The following PLEKHH1 variants were observed in gnomAD, a reference collection of about 807,000 sequenced individuals.
The protein encoded by PLEKHH1 is pleckstrin homology, MyTH4 and FERM domain containing H1.
PLEKHH1 carries 104 observed loss-of-function variants against 160.0 expected under a neutral mutation model. That is an observed-to-expected ratio of 0.65 (90% CI 0.55 to 0.76). The LOEUF is 0.76. Among genes scored for constraint, PLEKHH1 ranks in the 30% least tolerant of loss-of-function variants. The pLI, the probability that PLEKHH1 is intolerant of heterozygous loss-of-function variation, is 0.00. For synonymous variants in PLEKHH1, 619 were observed against 678.4 expected (o/e 0.91, Z 1.36); for missense variants, 1,427 against 1,724.1 (o/e 0.83, Z 3.05).
intron 18 of PLEKHH1, among the ~76,000 whole-genome samples, chr14:67,577,769 T>C (rs560751226): frequency 5.0e-4 from 76 of 151,954 alleles, no homozygotes; most frequent in African/African-American, 1.7e-3. Flanking sequence ...GTTTTTGTTT[T>C]TGTTTTTTTT....
In PLEKHH1 at chr14:67,562,310, G is replaced by C. The variant is rs777865209; in HGVS notation, c.679G>C (p.Asp227His). The C allele has an allele frequency of 1.2e-6, 2 of 1,613,804 alleles. No individual in the cohort carries two copies. Among genetic ancestry groups the C allele is most frequent in the South Asian group, 1.1e-5 (1 of 91,080 alleles). ...TTCCCCAGGTGCCCTGCAGAGCAAGGACTCTGTTTCTGAAGCAGCAAGCCC... is the reference window on the plus strand; with the variant it reads ...TTCCCCAGGTGCCCTGCAGAGCAAGCACTCTGTTTCTGAAGCAGCAAGCCC... ...APSPGALQSK[D>H]SVSEAASPLE... Residue 227 changes from aspartate to histidine, a missense_variant, in exon 7 of 29, where the codon GAC becomes CAC. Physicochemically the swap from Asp to His is moderately conservative, Grantham distance 81. Around this residue, in one of 6 missense-constraint regions of PLEKHH1, gnomAD observed 831 missense variants for 929.2 expected, o/e 0.89. Coordinates refer to ENST00000329153, the MANE Select transcript of PLEKHH1 (RefSeq NM_020715.3).
At chr14:67,568,123 A>T (rs1165543951) in intron 7 of PLEKHH1, among the ~76,000 whole-genome samples, 1 of 151,894 alleles carries the variant, frequency 6.6e-6, no homozygotes, top group Non-Finnish European at 1.5e-5. Flanking sequence ...CTGCAGGGGA[A>T]AAAACGTGCC....
chr14:67,582,009 A>G lies in PLEKHH1; in HGVS notation c.3285-60A>G. 4 of 1,530,890 alleles carry G rather than the reference A, an allele frequency of 2.6e-6. No individual in the cohort carries two copies. The highest frequency in any genetic ancestry group is 3.6e-6 in the Non-Finnish European group (4 of 1,125,648). The allele number at this position is 1,530,890 out of a possible 1,614,324, so 94.8% of individuals were successfully genotyped here. A position where few individuals can be genotyped will look rare whatever the true frequency, so the allele number is the denominator to read the frequency against. On this transcript the variant is annotated intron_variant, in intron 23 of 28. Coordinates refer to ENST00000329153, the MANE Select transcript of PLEKHH1 (RefSeq NM_020715.3). The surrounding 1 kb of genome is among the most constrained non-coding windows in gnomAD (Gnocchi z 5.0). ...GAAATAAAGGTAACAGACCCAGAGA[A>G]AGCCCCATCCCTGTTTGGAATCCCT...
chr14:67,581,083 ACTGG>A, intron 23 of PLEKHH1, 45 bp downstream of exon 23: 3 of 1,236,116 alleles, frequency 2.4e-6, no homozygotes, highest in Non-Finnish European at 3.6e-6. Context: ...AAGGGCTGCC[ACTGG>A]GTGCCAGCTC....
chr14:67,541,766 T>C, intron 1 of PLEKHH1, 68 bp from the exon 2 acceptor site: 1 of 1,123,282 alleles, frequency 8.9e-7, no homozygotes, highest in East Asian at 2.8e-5. Flanking sequence ...CCCCTCCCGT[T>C]CTTTCCCCAC....
At chr14:67,550,685 C>G (rs1265001020) in intron 2 of PLEKHH1, among the ~76,000 whole-genome samples, 1 of 152,126 alleles carries the variant, frequency 6.6e-6, no homozygotes, top group Non-Finnish European at 1.5e-5. Flanking sequence ...GTGGCCAGAT[C>G]TTTTGATTTT....
At position 67,575,919 on chromosome 14, in the gene PLEKHH1, C is replaced by T. The variant is rs144520197; in HGVS notation, c.2266C>T (p.Arg756Trp). 3.1e-4 allele frequency: 506 copies of T among 1,613,788 alleles called. No homozygotes were observed. The African/African-American group carries it at 6.0e-3, about 19-fold the overall frequency. ...GGACTATGAGGCTGGAGGAACCAGA[C>T]GGTTGCTTTCCTCCCACTGCACCCT... ...DEDYEAGGTR[R>W]LLSSHCTLVI... Residue 756 changes from arginine (R) to tryptophan (W), a missense_variant, in exon 16 of 29, where the codon CGG becomes TGG. Arg to Trp is a moderately radical substitution (Grantham distance 101). This residue lies in a region of PLEKHH1 where 436 missense variants were observed against 607.5 expected (regional missense o/e 0.72). Coordinates refer to ENST00000329153, the MANE Select transcript of PLEKHH1 (RefSeq NM_020715.3).
chr14:67,584,149 C>G, intron 26 of PLEKHH1, 25 bp downstream of exon 26: 4 of 1,609,378 alleles, frequency 2.5e-6, no homozygotes, highest in Non-Finnish European at 3.4e-6. Context: ...AAGGAGCTGC[C>G]CACACCCTTA....
At chr14:67,584,898 A>G (rs569194823) in intron 26 of PLEKHH1, among the ~76,000 whole-genome samples, 2 of 152,372 alleles carry the variant, frequency 1.3e-5, no homozygotes, top group South Asian at 4.1e-4. Flanking sequence ...AAAGGCATAT[A>G]ACAGGGACCC....
chr14:67,581,303 C>T (rs1180470366), intron 23 of PLEKHH1, among the ~76,000 whole-genome samples: 1 of 148,748 alleles, frequency 6.7e-6, no homozygotes, highest in Non-Finnish European at 1.5e-5. Context: ...CACACACAAA[C>T]ATCTGCCAAG....
intron 2 of PLEKHH1, among the ~76,000 whole-genome samples, chr14:67,544,408 C>T (rs2034096368): frequency 1.3e-5 from 2 of 151,700 alleles, no homozygotes; most frequent in Admixed American, 6.6e-5. Context: ...GACACAAGAC[C>T]TCAATTCAGA....
In PLEKHH1 at chr14:67,562,039, G is replaced by GC; in HGVS notation, c.505+4_505+5insC. On this transcript the variant is annotated splice_donor_region_variant and intron_variant, in intron 6 of 28. Coordinates refer to ENST00000329153, the MANE Select transcript of PLEKHH1 (RefSeq NM_020715.3). ...TCCCTTCAAGATGCGCTAGAAGGTA[G>GC]GCAGGCCAGGGTGTGCAGGTGTGCA... The GC allele has an allele frequency of 6.2e-7, 1 of 1,613,276 alleles. No individual in the cohort carries two copies. Among genetic ancestry groups the GC allele is most frequent in the Non-Finnish European group, 8.5e-7 (1 of 1,179,262 alleles).
chr14:67,581,515 G>C (rs1343691960), intron 23 of PLEKHH1: 26 of 167,474 alleles, frequency 1.6e-4, no homozygotes, highest in Non-Finnish European at 1.3e-5. Context: ...AACAGAGTGA[G>C]ACCCTGCCTC....
chr14:67,549,556 C>T (rs2034313584), intron 2 of PLEKHH1, among the ~76,000 whole-genome samples: 1 of 152,178 alleles, frequency 6.6e-6, no homozygotes, highest in South Asian at 2.1e-4. Context: ...CAGGTGTGAG[C>T]CACTGCTCCC....
intron 2 of PLEKHH1, among the ~76,000 whole-genome samples, chr14:67,542,905 G>C (rs534721760): frequency 1.4e-4 from 21 of 152,034 alleles, no homozygotes; most frequent in Admixed American, 1.2e-3. Context: ...TCTCCATGTT[G>C]GTCAGGCTGG....
At chr14:67,534,891 A>T (rs923066918) in intron 1 of PLEKHH1, among the ~76,000 whole-genome samples, 1 of 152,228 alleles carries the variant, frequency 6.6e-6, no homozygotes, top group African/African-American at 2.4e-5. Context: ...ACTCTGATGT[A>T]TATGAAATGG....
At chr14:67,556,042 G>A (rs1316026513) in intron 3 of PLEKHH1, among the ~76,000 whole-genome samples, 155 bp downstream of exon 3, 1 of 152,218 alleles carries the variant, frequency 6.6e-6, no homozygotes, top group Non-Finnish European at 1.5e-5. Flanking sequence ...TGGGAGTAGA[G>A]TCTCTGGGTA....
At chr14:67,540,856 C>T (rs76491682) in intron 1 of PLEKHH1, among the ~76,000 whole-genome samples, 10,030 of 152,204 alleles carry the variant, frequency 0.066, 449 homozygotes, top group East Asian at 0.18. Flanking sequence ...CTCATGCACA[C>T]TCATGCATCC....
intron 1 of PLEKHH1, among the ~76,000 whole-genome samples, chr14:67,538,196 A>G (rs909125647): frequency 6.6e-6 from 1 of 152,008 alleles, no homozygotes; most frequent in Non-Finnish European, 1.5e-5. Context: ...CCATTAATGT[A>G]TTTGTGTTAG....
Sources: gnomAD v4.1 joint callset for allele counts (sites outside exome capture counted in the v4.1 genomes callset) on GRCh38, gnomAD v4.1.1 for gene constraint, gnomAD v4.1.1 regional missense constraint, Gnocchi (gnomAD v3.1) non-coding constraint, MANE v1.5 for transcripts, NCBI Gene and HGNC (gene_info 2026-07-23, HGNC 2026-07-21) for gene names.